Variants in XPOT observed in about 807,000 individuals in gnomAD.
The protein encoded by XPOT is exportin for tRNA.
XPOT carries 34 observed loss-of-function variants against 128.2 expected under a neutral mutation model. The ratio of observed to expected loss-of-function variants is 0.27; its 90% CI spans 0.20 to 0.35. The LOEUF (loss-of-function observed/expected upper bound fraction) is 0.35. XPOT is among the 10% of genes least tolerant of loss of function. The probability of loss-of-function intolerance (pLI) is 1.00; values close to 1 mark genes in which losing one functional copy is unlikely to be tolerated. For synonymous variants in XPOT, 348 were observed against 394.3 expected (o/e 0.88, Z 1.39); for missense variants, 838 against 1,125.3 (o/e 0.74, Z 3.65).
chr12:64,445,187 A>G (rs1275445189), intron 24 of XPOT, 56 bp downstream of exon 24: 2 of 1,318,950 alleles, frequency 1.5e-6, no homozygotes, highest in Non-Finnish European at 2.1e-6. Context: ...TTTGAGAGCC[A>G]AGAGAGAATA....
At chr12:64,410,785 C>G (rs2040030961) in intron 2 of XPOT, among the ~76,000 whole-genome samples, 1 of 152,046 alleles carries the variant, frequency 6.6e-6, no homozygotes, top group Non-Finnish European at 1.5e-5. Context: ...TAGCCTACAA[C>G]TATAATCATG....
intron 23 of XPOT, chr12:64,443,410 A>G (rs1040520535): frequency 6.6e-6 from 1 of 152,156 alleles, no homozygotes; most frequent in Non-Finnish European, 1.5e-5. Context: ...TTTTAACAAT[A>G]TTAAGTCTTC....
At chr12:64,415,219 G>A (rs1428819002) in intron 3 of XPOT, among the ~76,000 whole-genome samples, 1 of 150,938 alleles carries the variant, frequency 6.6e-6, no homozygotes, top group African/African-American at 2.4e-5. Context: ...GGTATATATT[G>A]TGTACCTGTC....
rs759018369 is a variant in XPOT at position 64,424,643 on chromosome 12, G to C, written c.1227G>C (p.Lys409Asn). The C allele has an allele frequency of 6.2e-7, 1 of 1,612,268 alleles. No homozygotes were observed. Among genetic ancestry groups the C allele is most frequent in the Admixed American group, 1.7e-5 (1 of 59,992 alleles). Reference protein sequence around the residue: ...AMFVEYRKQLKLLLDRLAQVS... With the variant: ...AMFVEYRKQLNLLLDRLAQVS... ...TTGTAGAATATAGAAAACAACTGAAGTTACTGTTGGACAGGCTTGCTCAAG... is the reference window on the plus strand; with the variant it reads ...TTGTAGAATATAGAAAACAACTGAACTTACTGTTGGACAGGCTTGCTCAAG... Residue 409 changes from lysine to asparagine, a missense_variant, in exon 12 of 25, where the codon AAG becomes AAC. Transcript: ENST00000332707.
At chr12:64,417,373 A>G (rs907590275) in intron 4 of XPOT, among the ~76,000 whole-genome samples, 1 of 152,102 alleles carries the variant, frequency 6.6e-6, no homozygotes, top group African/African-American at 2.4e-5. Flanking sequence ...GTGAGACCTC[A>G]TCTCTACAAA....
chr12:64,404,727 C>T lies in XPOT; in HGVS notation c.-152C>T, dbSNP rs1021150537. 6.6e-6 allele frequency: 1 copy of T among 152,524 alleles called. No individual in the cohort carries two copies. Among genetic ancestry groups the T allele is most frequent in the African/African-American group, 2.4e-5 (1 of 41,474 alleles). The allele number at this position is 152,524 out of a possible 1,614,324, so 9.4% of individuals were successfully genotyped here. A position where few individuals can be genotyped will look rare whatever the true frequency, so the allele number is the denominator to read the frequency against. ...GGACGAGGGCCGCTCTCCCAGCTCT[C>T]TGCGTGCCGCGCCGCTCCGCTCCGC... is the stretch of plus-strand genomic sequence containing the variant. On this transcript the variant is annotated 5_prime_UTR_variant, in exon 1 of 25. Coordinates refer to ENST00000332707, the MANE Select transcript of XPOT (RefSeq NM_007235.6).
chr12:64,445,010 C>A, intron 23 of XPOT, 65 bp from the exon 24 acceptor site: 7 of 1,293,708 alleles, frequency 5.4e-6, no homozygotes, highest in South Asian at 1.4e-5. Flanking sequence ...AAACTGGATA[C>A]GAATTACAAT....
rs1368574166 is a variant in XPOT, at chr12:64,420,212, C to T, written c.632C>T (p.Ala211Val). The change falls in exon 7 of 25, where the codon GCT (alanine) becomes GTT (valine). Residue 211 changes from alanine (A) to valine (V), a missense_variant. Ala to Val is a moderately conservative substitution (Grantham distance 64). Coordinates refer to ENST00000332707, the MANE Select transcript of XPOT (RefSeq NM_007235.6). ...VTCQCLEVVG[A>V]YVSWIDLSLI... ...TGTCAGTGCCTTGAAGTAGTTGGGG[C>T]TTATGTCTCTTGGATAGACTTATCC... The T allele has an allele frequency of 2.5e-6, 4 of 1,609,220 alleles. No homozygotes were observed. The African/African-American group carries it at 4.0e-5, about 16-fold the overall frequency.
chr12:64,417,088 G>A (rs927855411), intron 4 of XPOT, among the ~76,000 whole-genome samples: 27 of 152,250 alleles, frequency 1.8e-4, no homozygotes, highest in African/African-American at 6.0e-4. Context: ...GTGGTGGCAT[G>A]CACCTGTAAT....
At chr12:64,428,746 A>T (rs2040213321) in intron 16 of XPOT, among the ~76,000 whole-genome samples, 1 of 152,230 alleles carries the variant, frequency 6.6e-6, no homozygotes, top group Admixed American at 6.5e-5. Context: ...CATTTTTAAA[A>T]GGGAATGTAT....
At position 64,404,548 on chromosome 12, in the gene XPOT, G is replaced by C. The variant is rs2039959285; in HGVS notation, c.-331G>C. 1 of 150,690 alleles carries C rather than the reference G, an allele frequency of 6.6e-6. No homozygotes were observed. The highest frequency in any genetic ancestry group is 6.6e-5 in the Admixed American group (1 of 15,120). 9.3% of individuals were successfully genotyped at this position (150,690 alleles called of 1,614,324 possible). A position where few individuals can be genotyped will look rare whatever the true frequency, so the allele number is the denominator to read the frequency against. On this transcript the variant is annotated 5_prime_UTR_variant, in exon 1 of 25. Transcript: ENST00000332707. ...CCTTCCTGGGGCGCCGACCCCGCCC[G>C]CTTGCTTGCTTGCTTGCTTGCCTGC... is the stretch of plus-strand genomic sequence containing the variant.
In XPOT at chr12:64,430,209, A is replaced by G. The variant is rs1446468605; in HGVS notation, c.1898A>G (p.Glu633Gly). The stretch of plus-strand genomic sequence containing the variant: ...ATGGAGAAGTTTAAAATTCTGTTAG[A>G]AAAGTTGATGCTGGCACAAGATGAA... ...PLMEKFKILL[E>G]KLMLAQDEER... is the part of the protein sequence containing the mutation. Residue 633 changes from glutamate (E) to glycine (G), a missense_variant, in exon 17 of 25, where the codon GAA (glutamate) becomes GGA (glycine). Physicochemically the swap from Glu to Gly is moderately conservative, Grantham distance 98. Around this residue, in one of 3 missense-constraint regions of XPOT, gnomAD observed 761 missense variants for 988.3 expected, o/e 0.77. Coordinates refer to ENST00000332707, the MANE Select transcript of XPOT (RefSeq NM_007235.6). The G allele has an allele frequency of 6.2e-7, 1 of 1,613,374 alleles. No individual in the cohort carries two copies. Among genetic ancestry groups the G allele is most frequent in the East Asian group, 2.2e-5 (1 of 44,860 alleles).
At chr12:64,424,849 G>A in intron 12 of XPOT, 126 bp downstream of exon 12, 1 of 1,374,972 alleles carries the variant, frequency 7.3e-7, no homozygotes, top group Non-Finnish European at 9.9e-7. Flanking sequence ...TGTATCTCTG[G>A]AAACAATGCA....
intron 1 of XPOT, chr12:64,409,578 A>AC (rs2040017250): frequency 6.5e-6 from 1 of 154,724 alleles, no homozygotes; most frequent in Admixed American, 6.4e-5. Context: ...TACTAAAAAT[A>AC]CAAAAAATTA....
At chr12:64,410,316 C>G (rs2040025831) in intron 2 of XPOT, among the ~76,000 whole-genome samples, 1 of 152,138 alleles carries the variant, frequency 6.6e-6, no homozygotes, top group South Asian at 2.1e-4. Context: ...TCATATGATT[C>G]AAGGCAGATC....
At chr12:64,429,136 T>C (rs1471907028) in intron 16 of XPOT, among the ~76,000 whole-genome samples, 1 of 152,262 alleles carries the variant, frequency 6.6e-6, no homozygotes, top group Non-Finnish European at 1.5e-5. Context: ...CTTGTGTACA[T>C]GCAGTGTTTA....
At chr12:64,418,019 A>T (rs747877756) in intron 4 of XPOT, 27 bp from the exon 5 acceptor site, 2 of 1,578,554 alleles carry the variant, frequency 1.3e-6, no homozygotes, top group East Asian at 2.2e-5. Flanking sequence ...TATAGCCATT[A>T]TTCTTTTTCT....
intron 1 of XPOT, among the ~76,000 whole-genome samples, chr12:64,406,047 T>C (rs2039978249): frequency 6.6e-6 from 1 of 152,200 alleles, no homozygotes; most frequent in South Asian, 2.1e-4. Context: ...TTTCTCCCGA[T>C]AGCTTCAGAG....
intron 21 of XPOT, 32 bp downstream of exon 21, chr12:64,434,941 G>A (rs1468394435): frequency 6.4e-7 from 1 of 1,556,058 alleles, no homozygotes; most frequent in East Asian, 2.2e-5. Context: ...TTTACCTTGT[G>A]TAGCTCATAT....
Sources: allele counts gnomAD v4.1 joint callset (sites outside exome capture counted in the v4.1 genomes callset), GRCh38; gene constraint gnomAD v4.1.1; regional missense constraint gnomAD v4.1.1; transcripts MANE v1.5; gene names NCBI Gene and HGNC (gene_info 2026-07-23, HGNC 2026-07-21).